Variants in PPIL6 observed in about 807,000 individuals in gnomAD.
PPIL6 encodes probable inactive peptidyl-prolyl cis-trans isomerase-like 6.
PPIL6 carries 39 observed loss-of-function variants against 36.8 expected under a neutral mutation model. The ratio of observed to expected loss-of-function variants is 1.06; its 90% CI spans 0.82 to 1.38. PPIL6 has a LOEUF of 1.38. Among genes scored for constraint, PPIL6 ranks in the 40% most tolerant of loss-of-function variants. PPIL6 has a pLI of 0.00. For synonymous variants in PPIL6, 123 were observed against 134.1 expected (o/e 0.92, Z 0.57); for missense variants, 368 against 379.1 (o/e 0.97, Z 0.24).
intron 1 of PPIL6, among the ~76,000 whole-genome samples, chr6:109,437,548 C>CTTTT (rs71551374): frequency 3.2e-3 from 314 of 97,882 alleles, no homozygotes; most frequent in Middle Eastern, 0.016. Flanking sequence ...TATTTCTTTT[C>CTTTT]TTTTTTTTTT....
Position 109,436,111 on chromosome 6 carries a change from T to C in PPIL6, c.224A>G (p.Lys75Arg), listed in dbSNP as rs758624951. 11 of 1,546,750 alleles carry C rather than the reference T, an allele frequency of 7.1e-6. No individual in the cohort carries two copies. Among genetic ancestry groups the C allele is most frequent in the East Asian group, 2.2e-5 (1 of 44,528 alleles). The change falls in exon 2 of 8, where the codon AAA becomes AGA. Residue 75 changes from lysine to arginine, a missense_variant. By Grantham distance (26) the Lys-to-Arg change is conservative. Coordinates refer to ENST00000521072, the MANE Select transcript of PPIL6 (RefSeq NM_173672.5). ...EFAWHQYLQEKKRELKNETWE... is the reference protein window; with the variant it reads ...EFAWHQYLQERKRELKNETWE... ...ACCCCAAATATCCTTTACCCTTTTTTTCTCCTGTAGATATTGATGCCATGC... is the reference window on the plus strand; with the variant it reads ...ACCCCAAATATCCTTTACCCTTTTTCTCTCCTGTAGATATTGATGCCATGC...
intron 5 of PPIL6, among the ~76,000 whole-genome samples, chr6:109,421,440 C>T (rs1008685031): frequency 1.3e-5 from 2 of 152,190 alleles, no homozygotes; most frequent in Non-Finnish European, 2.9e-5. Flanking sequence ...ATGGTAACTG[C>T]CTCACAGGTA....
intron 3 of PPIL6, among the ~76,000 whole-genome samples, chr6:109,428,545 C>A (rs1773945839): frequency 7.5e-6 from 1 of 132,688 alleles, no homozygotes; most frequent in Non-Finnish European, 1.6e-5. Context: ...AGAGTGAGAC[C>A]CTATGAAGAA....
chr6:109,434,924 T>C (rs1448106584), intron 2 of PPIL6, among the ~76,000 whole-genome samples: 1 of 152,136 alleles, frequency 6.6e-6, no homozygotes, highest in African/African-American at 2.4e-5. Flanking sequence ...AAAACTATCA[T>C]CCCTGGACAA....
At chr6:109,407,253 T>C (rs1339032360) in intron 6 of PPIL6, among the ~76,000 whole-genome samples, 1 of 152,034 alleles carries the variant, frequency 6.6e-6, no homozygotes. Flanking sequence ...TTTTTTTTTT[T>C]TCTTGAGATG....
intron 5 of PPIL6, among the ~76,000 whole-genome samples, chr6:109,422,568 G>A (rs984531592): frequency 1.3e-5 from 2 of 151,930 alleles, no homozygotes; most frequent in Non-Finnish European, 2.9e-5. Flanking sequence ...CAGCCTGAGC[G>A]ACAGAACAAG....
At chr6:109,395,858 CG>C (rs1772282792) in intron 7 of PPIL6, among the ~76,000 whole-genome samples, 1 of 131,168 alleles carries the variant, frequency 7.6e-6, no homozygotes, top group South Asian at 2.4e-4. Flanking sequence ...TTTCCTGAGA[CG>C]GAGTCTCACC....
chr6:109,402,904 G>T (rs1189791972), intron 6 of PPIL6: 13 of 619,250 alleles, frequency 2.1e-5, no homozygotes, highest in Non-Finnish European at 3.1e-5. Context: ...TGATGTGTAA[G>T]AAAGAACCGT....
intron 2 of PPIL6, among the ~76,000 whole-genome samples, chr6:109,434,741 T>C (rs1185721860): frequency 1.3e-5 from 2 of 151,906 alleles, no homozygotes; most frequent in Non-Finnish European, 2.9e-5. Context: ...ATGGGGGAGA[T>C]GGGGTGGGGC....
intron 5 of PPIL6, among the ~76,000 whole-genome samples, chr6:109,423,661 C>G (rs1415453399): frequency 6.6e-6 from 1 of 151,948 alleles, no homozygotes; most frequent in African/African-American, 2.4e-5. Flanking sequence ...TTATGTAAAA[C>G]ATGATCATTT....
intron 6 of PPIL6, among the ~76,000 whole-genome samples, chr6:109,418,548 CTTTTTTTT>C (rs796535898): frequency 3.7e-5 from 5 of 135,934 alleles, no homozygotes; most frequent in African/African-American, 1.4e-4. Context: ...ATCTTTTTTT[CTTTTTTTT>C]TTTTTTTTGA....
chr6:109,429,315 G>T (rs1773998321), intron 3 of PPIL6, among the ~76,000 whole-genome samples: 1 of 152,216 alleles, frequency 6.6e-6, no homozygotes, highest in Non-Finnish European at 1.5e-5. Flanking sequence ...CAGAAAAACA[G>T]AGGATTACGT....
chr6:109,430,743 T>C (rs1314190152), intron 3 of PPIL6, among the ~76,000 whole-genome samples: 1 of 152,178 alleles, frequency 6.6e-6, no homozygotes, highest in Non-Finnish European at 1.5e-5. Context: ...TGCTTTAAAA[T>C]GTCACCTTTC....
chr6:109,394,135 C>T (rs1772203532), intron 7 of PPIL6, among the ~76,000 whole-genome samples: 1 of 152,034 alleles, frequency 6.6e-6, no homozygotes, highest in Admixed American at 6.6e-5. Flanking sequence ...CTTTGGGAGG[C>T]CAAGGCAGCT....
intron 6 of PPIL6, among the ~76,000 whole-genome samples, chr6:109,403,614 A>G (rs774476704): frequency 1.3e-5 from 2 of 152,208 alleles, no homozygotes; most frequent in Non-Finnish European, 2.9e-5. Context: ...ACAGAAACCA[A>G]TAGCTGAAAC....
At chr6:109,418,965 C>A (rs1339384051) in intron 6 of PPIL6, among the ~76,000 whole-genome samples, 5 of 152,106 alleles carry the variant, frequency 3.3e-5, no homozygotes, top group African/African-American at 1.2e-4. Flanking sequence ...GGGATTTACC[C>A]TAAAGAAATA....
intron 3 of PPIL6, among the ~76,000 whole-genome samples, chr6:109,430,345 T>C (rs2115275223): frequency 6.6e-6 from 1 of 152,114 alleles, no homozygotes; most frequent in Non-Finnish European, 1.5e-5. Context: ...TCCCTGGACC[T>C]CATGCTTCAT....
intron 5 of PPIL6, among the ~76,000 whole-genome samples, chr6:109,425,117 G>T (rs934900685): frequency 6.6e-6 from 1 of 152,102 alleles, no homozygotes; most frequent in East Asian, 1.9e-4. Context: ...CAACACACCA[G>T]GTCATTGAAT....
intron 6 of PPIL6, among the ~76,000 whole-genome samples, chr6:109,407,632 A>C (rs1346868647): frequency 6.6e-6 from 1 of 152,186 alleles, no homozygotes; most frequent in African/African-American, 2.4e-5. Flanking sequence ...AAAATGATGA[A>C]ATTTTTATAT....
Sources: allele counts gnomAD v4.1 joint callset (sites outside exome capture counted in the v4.1 genomes callset), GRCh38; gene constraint gnomAD v4.1.1; transcripts MANE v1.5; gene names NCBI Gene and HGNC (gene_info 2026-07-23, HGNC 2026-07-21).